Variants in SLC41A3 observed in about 807,000 individuals in gnomAD.
SLC41A3 encodes SLC41A1-like 2.
A neutral mutation model predicts 45.4 loss-of-function variants in SLC41A3; 44 were observed. The observed-to-expected ratio is 0.97, with a 90% CI of 0.76 to 1.25. The LOEUF (loss-of-function observed/expected upper bound fraction) is 1.25, where lower values mean the gene tolerates loss of function less well. SLC41A3 is among the 50% of genes most tolerant of loss of function. The pLI, the probability that SLC41A3 is intolerant of heterozygous loss-of-function variation, is 0.00. For synonymous variants in SLC41A3, 256 were observed against 252.4 expected (o/e 1.01, Z -0.13); for missense variants, 550 against 600.6 (o/e 0.92, Z 0.88).
At chr3:126,053,718 C>A (rs1244223220) in intron 2 of SLC41A3, among the ~76,000 whole-genome samples, 7 of 152,118 alleles carry the variant, frequency 4.6e-5, no homozygotes, top group African/African-American at 1.7e-4. Context: ...TGTGTGGGTG[C>A]CTCCCAGTGT....
chr3:126,018,443 T>A (rs1236499323), intron 6 of SLC41A3, among the ~76,000 whole-genome samples: 1 of 152,218 alleles, frequency 6.6e-6, no homozygotes, highest in Non-Finnish European at 1.5e-5. Context: ...TTGGCGAATC[T>A]CCCTGGTGAT....
chr3:126,080,398 G>C (rs1030206231), intron 1 of SLC41A3, among the ~76,000 whole-genome samples: 6 of 151,882 alleles, frequency 4.0e-5, no homozygotes, highest in Non-Finnish European at 7.4e-5. Context: ...ATGGCCAAAA[G>C]ATCTGAATAG....
chr3:126,039,928 C>T (rs868746478), intron 3 of SLC41A3, among the ~76,000 whole-genome samples: 11 of 152,346 alleles, frequency 7.2e-5, no homozygotes, highest in South Asian at 4.1e-4. Context: ...CCAGGAGCAA[C>T]AAGTACACCC....
chr3:126,057,719 C>G (rs145070979), intron 2 of SLC41A3, among the ~76,000 whole-genome samples: 12 of 152,354 alleles, frequency 7.9e-5, no homozygotes, highest in African/African-American at 2.6e-4. Flanking sequence ...GAACTCCAGA[C>G]GAATTTCTCC....
At chr3:126,021,571 G>A (rs1164415352) in intron 6 of SLC41A3, among the ~76,000 whole-genome samples, 2 of 152,102 alleles carry the variant, frequency 1.3e-5, no homozygotes, top group African/African-American at 2.4e-5. Context: ...CTGCCTGTCC[G>A]TTACTTAATG....
intron 4 of SLC41A3, among the ~76,000 whole-genome samples, chr3:126,027,909 G>A (rs1178962131): frequency 6.6e-6 from 1 of 152,212 alleles, no homozygotes; most frequent in Non-Finnish European, 1.5e-5. Context: ...TGAGAATGAT[G>A]ATTTAGGGTA....
chr3:126,052,764 C>T (rs1036290631), intron 2 of SLC41A3, among the ~76,000 whole-genome samples: 7 of 152,186 alleles, frequency 4.6e-5, no homozygotes, highest in African/African-American at 1.4e-4. Flanking sequence ...CACCCCATCT[C>T]GGCCCCTCTT....
At position 126,015,504 on chromosome 3, in the gene SLC41A3, G is replaced by A. The variant is rs202128074; in HGVS notation, c.960C>T (p.Pro320=). Residue 320 remains proline, a synonymous_variant, in exon 8 of 11, where the codon CCC becomes CCT. Transcript: ENST00000360370. ...CCTTCAAATACGTACCACATATGAC[G>A]GGGGTAAATATCGCCATGCCTTTGT... The part of the protein sequence containing the change: ...QQYKGMAIFT[P]VICGVGGNLV... 665 of 1,614,174 alleles carry A rather than the reference G, an allele frequency of 4.1e-4. No individual in the cohort carries two copies. Among genetic ancestry groups the A allele is most frequent in the Admixed American group, 5.2e-4 (31 of 60,014 alleles).
chr3:126,019,732 C>T (rs528596075), intron 6 of SLC41A3, among the ~76,000 whole-genome samples: 10 of 152,296 alleles, frequency 6.6e-5, no homozygotes, highest in East Asian at 1.9e-4. Context: ...ATCCTCTACA[C>T]GCTGGTGTGG....
At chr3:126,087,735 T>A (rs1259677370), upstream of SLC41A3, among the ~76,000 whole-genome samples, 4 of 151,900 alleles carry the variant, frequency 2.6e-5, no homozygotes, top group Admixed American at 6.6e-5. Flanking sequence ...AACAGAAAAT[T>A]TAAGCATGTT....
intron 3 of SLC41A3, among the ~76,000 whole-genome samples, chr3:126,049,143 T>A (rs1559856417): frequency 6.6e-6 from 1 of 152,042 alleles, no homozygotes; most frequent in Non-Finnish European, 1.5e-5. Flanking sequence ...TTTTACATAT[T>A]TTAAGAGAAT....
chr3:126,010,280 C>T (rs1394224252), intron 9 of SLC41A3, among the ~76,000 whole-genome samples: 2 of 152,248 alleles, frequency 1.3e-5, no homozygotes, highest in African/African-American at 4.8e-5. Context: ...CGAGACCAGC[C>T]TGGCCAACAT....
intron 1 of SLC41A3, among the ~76,000 whole-genome samples, chr3:126,070,946 C>T (rs142537947): frequency 1.4e-4 from 21 of 151,534 alleles, no homozygotes; most frequent in Admixed American, 5.9e-4. Context: ...GATCCAAACA[C>T]GATTATTATA....
intron 1 of SLC41A3, among the ~76,000 whole-genome samples, chr3:126,096,638 C>T (rs939850364): frequency 1.3e-5 from 2 of 152,276 alleles, no homozygotes; most frequent in African/African-American, 4.8e-5. Flanking sequence ...ACTAGCCAGA[C>T]CCACCCCTTT....
intron 3 of SLC41A3, among the ~76,000 whole-genome samples, chr3:126,035,662 A>G (rs13090202): frequency 0.21 from 32,464 of 152,212 alleles, 3,994 homozygotes; most frequent in Non-Finnish European, 0.27. Context: ...GAGCACTATG[A>G]TCAGATACCA....
At chr3:126,021,869 G>A (rs1175305572) in intron 6 of SLC41A3, among the ~76,000 whole-genome samples, 1 of 152,200 alleles carries the variant, frequency 6.6e-6, no homozygotes, top group Non-Finnish European at 1.5e-5. Flanking sequence ...CTGTTCCTAA[G>A]TTGTTTACAA....
intron 3 of SLC41A3, among the ~76,000 whole-genome samples, chr3:126,048,329 C>G (rs555375894): frequency 6.6e-6 from 1 of 152,284 alleles, no homozygotes; most frequent in South Asian, 2.1e-4. Context: ...TACTTAAAAA[C>G]TGGTTAATAG....
intron 1 of SLC41A3, among the ~76,000 whole-genome samples, chr3:126,071,667 G>A (rs1220284494): frequency 6.6e-6 from 1 of 151,516 alleles, no homozygotes; most frequent in Non-Finnish European, 1.5e-5. Context: ...AATAATTTAA[G>A]ACTGAAATCA....
In SLC41A3 at chr3:126,026,196, A is replaced by C; in HGVS notation, c.598+139T>G. On this transcript the variant is annotated intron_variant, in intron 5 of 10. Transcript: ENST00000360370. This position sits in a 1 kb window ranked among gnomAD's most constrained non-coding sequence, Gnocchi z 4.2. Reference sequence around the variant, plus strand: ...CCCAGCTGGCTCGTCCCACCCTGCCAGTGAGAACCCTGAGCCCACCATCAG... The same window carrying C: ...CCCAGCTGGCTCGTCCCACCCTGCCCGTGAGAACCCTGAGCCCACCATCAG... 7.5e-7 allele frequency: 1 copy of C among 1,340,326 alleles called. No individual in the cohort carries two copies. 83.0% of individuals were successfully genotyped at this position (1,340,326 alleles called of 1,614,324 possible).
Sources: allele counts gnomAD v4.1 joint callset (sites outside exome capture counted in the v4.1 genomes callset), GRCh38; gene constraint gnomAD v4.1.1; non-coding constraint Gnocchi (gnomAD v3.1); transcripts MANE v1.5; gene names NCBI Gene and HGNC (gene_info 2026-07-23, HGNC 2026-07-21).